SLC25A16: variants seen among roughly 807,000 people sequenced by gnomAD.
SLC25A16 encodes the protein solute carrier family 25 member 16, also known as mitochondrial coenzyme A transporter SLC25A16.
A neutral mutation model predicts 41.5 loss-of-function variants in SLC25A16; 39 were observed. The ratio of observed to expected loss-of-function variants is 0.94; its 90% CI spans 0.73 to 1.23. The LOEUF (loss-of-function observed/expected upper bound fraction) is 1.23. Among genes scored for constraint, SLC25A16 ranks in the 50% most tolerant of loss-of-function variants. The probability of loss-of-function intolerance (pLI) is 0.00; values close to 1 mark genes in which losing one functional copy is unlikely to be tolerated. For missense variants in SLC25A16, 421 were observed against 426.9 expected (o/e 0.99, Z 0.12); for synonymous variants, 146 against 147.8 (o/e 0.99, Z 0.09).
At chr10:68,511,588 A>C (rs1156766399) in intron 2 of SLC25A16, among the ~76,000 whole-genome samples, 1 of 152,220 alleles carries the variant, frequency 6.6e-6, no homozygotes, top group African/African-American at 2.4e-5. Flanking sequence ...ACCCCAAGAC[A>C]CTGGGTAATA....
At chr10:68,513,017 C>A (rs2053093930) in intron 2 of SLC25A16, among the ~76,000 whole-genome samples, 1 of 151,946 alleles carries the variant, frequency 6.6e-6, no homozygotes, top group Non-Finnish European at 1.5e-5. Flanking sequence ...CCAGCCTAGG[C>A]CACAAGAGAG....
intron 1 of SLC25A16, among the ~76,000 whole-genome samples, chr10:68,519,034 A>G (rs965577830): frequency 1.3e-5 from 2 of 150,966 alleles, no homozygotes; most frequent in East Asian, 3.9e-4. Flanking sequence ...CTCTACTAAA[A>G]ATACAAAATT....
intron 1 of SLC25A16, among the ~76,000 whole-genome samples, chr10:68,519,706 G>A (rs1466490550): frequency 6.6e-6 from 1 of 151,700 alleles, no homozygotes; most frequent in African/African-American, 2.4e-5. Context: ...TCTGAGGTCA[G>A]GAGTTCGAGA....
At chr10:68,509,830 T>A (rs1351877544) in intron 2 of SLC25A16, among the ~76,000 whole-genome samples, 1 of 151,738 alleles carries the variant, frequency 6.6e-6, no homozygotes, top group African/African-American at 2.4e-5. Flanking sequence ...CGGTGACTCA[T>A]GCTTCTAATC....
intron 2 of SLC25A16, among the ~76,000 whole-genome samples, chr10:68,508,728 A>AG (rs1291153986): frequency 6.6e-6 from 1 of 152,078 alleles, no homozygotes; most frequent in Non-Finnish European, 1.5e-5. Flanking sequence ...CAAAAAAAAA[A>AG]GAATTCTATT....
intron 4 of SLC25A16, among the ~76,000 whole-genome samples, chr10:68,493,844 A>AT (rs1449752275): frequency 6.6e-6 from 1 of 152,066 alleles, no homozygotes; most frequent in Non-Finnish European, 1.5e-5. Flanking sequence ...GAATCATGAG[A>AT]TTTTTTTAAA....
intron 8 of SLC25A16, among the ~76,000 whole-genome samples, chr10:68,486,767 C>A (rs1480079923): frequency 6.6e-6 from 1 of 151,456 alleles, no homozygotes. Flanking sequence ...ACTAGCCTGG[C>A]CAACATGGTG....
At chr10:68,501,927 G>T (rs921525199) in intron 4 of SLC25A16, among the ~76,000 whole-genome samples, 1 of 152,146 alleles carries the variant, frequency 6.6e-6, no homozygotes, top group African/African-American at 2.4e-5. Context: ...GGCCGGGCAC[G>T]GTGGCTCATG....
chr10:68,513,226 T>G (rs1177613378), intron 2 of SLC25A16, among the ~76,000 whole-genome samples: 1 of 150,290 alleles, frequency 6.7e-6, no homozygotes, highest in African/African-American at 2.4e-5. Flanking sequence ...TGGCCAAACA[T>G]AGTGAAACCC....
At chr10:68,500,307 G>A (rs2066342) in intron 4 of SLC25A16, among the ~76,000 whole-genome samples, 5,445 of 152,152 alleles carry the variant, frequency 0.036, 150 homozygotes, top group South Asian at 0.09. Context: ...AATATAAATT[G>A]TAATTACTTA....
intron 1 of SLC25A16, among the ~76,000 whole-genome samples, chr10:68,522,447 A>T (rs2053264977): frequency 6.6e-6 from 1 of 152,092 alleles, no homozygotes; most frequent in East Asian, 1.9e-4. Context: ...TGGGAGGCCA[A>T]GGCAGGTGGA....
At chr10:68,521,133 C>CA (rs72252116) in intron 1 of SLC25A16, among the ~76,000 whole-genome samples, 5 of 144,912 alleles carry the variant, frequency 3.5e-5, no homozygotes, top group South Asian at 2.2e-4. Context: ...ACTCCGTCTC[C>CA]AAAAAAAAAA....
chr10:68,506,449 TAAA>T, intron 3 of SLC25A16, 133 bp downstream of exon 3: 2 of 534,998 alleles, frequency 3.7e-6, no homozygotes, highest in Non-Finnish European at 5.5e-6. Context: ...TCTCAAAAAT[TAAA>T]AAAAAAAAAC....
Position 68,512,638 on chromosome 10 carries a change from C to CAAAAAAAAA in SLC25A16, c.223+4104_223+4112dup, listed in dbSNP as rs1163431016. Among the ~76,000 whole-genome samples the CAAAAAAAAA allele has an allele frequency of 3.2e-3, 55 of 17,142 alleles. 1 individual carries two copies. Among genetic ancestry groups the CAAAAAAAAA allele is most frequent in the African/African-American group, 0.014 (55 of 3,966 alleles). The allele number at this position is 17,142 out of a possible 152,430, so 11.2% of individuals were successfully genotyped here. On this transcript the variant is annotated intron_variant, in intron 2 of 8. Transcript: ENST00000609923. ...TGGGCAACAGAGCGAGACTCCGTCT[C>CAAAAAAAAA]AAAAAAAAAAAAAAAAAAAAAAAAA...
At chr10:68,506,540 A>G (rs2052957646) in intron 3 of SLC25A16, 45 bp downstream of exon 3, 2 of 1,408,432 alleles carry the variant, frequency 1.4e-6, no homozygotes, top group South Asian at 1.4e-5. Flanking sequence ...TCAAGCATGC[A>G]TGATATTCAA....
chr10:68,525,048 A>AAACAAC (rs925240334), intron 1 of SLC25A16, among the ~76,000 whole-genome samples: 1 of 152,028 alleles, frequency 6.6e-6, no homozygotes, highest in Non-Finnish European at 1.5e-5. Flanking sequence ...CTCTGTCTCA[A>AAACAAC]AACAACAACA....
Position 68,524,126 on chromosome 10 carries a change from T to C in SLC25A16, c.130+3120A>G, listed in dbSNP as rs958607224. On this transcript the variant is annotated intron_variant, in intron 1 of 8. Transcript: ENST00000609923. ...GAGATCGAGACCATCCTGGCTAATA[T>C]GGTGAAACCCCGTCTCTACTAAAAA... Among the ~76,000 whole-genome samples the C allele has an allele frequency of 3.6e-4, 54 of 151,680 alleles. 1 individual carries two copies. Among genetic ancestry groups the C allele is most frequent in the Non-Finnish European group, 6.3e-4 (43 of 67,918 alleles).
intron 4 of SLC25A16, among the ~76,000 whole-genome samples, chr10:68,500,910 G>A (rs898637491): frequency 2.4e-4 from 36 of 151,746 alleles, no homozygotes; most frequent in African/African-American, 7.7e-4. Context: ...CAGCCTGGGC[G>A]ACAGAGGGAG....
At chr10:68,496,874 G>T (rs753453590) in intron 4 of SLC25A16, 2 of 172,912 alleles carry the variant, frequency 1.2e-5, no homozygotes, top group Non-Finnish European at 2.3e-5. Flanking sequence ...GCAGTGGTGT[G>T]ATCACTGCAC....
Sources: allele counts gnomAD v4.1 joint callset (sites outside exome capture counted in the v4.1 genomes callset), GRCh38; gene constraint gnomAD v4.1.1; transcripts MANE v1.5; gene names NCBI Gene and HGNC (gene_info 2026-07-23, HGNC 2026-07-21).